The following NRAP variants were observed in gnomAD, a reference collection of about 807,000 sequenced individuals.
The protein encoded by NRAP is nebulin-related-anchoring protein.
A neutral mutation model predicts 225.9 loss-of-function variants in NRAP; 189 were observed. The ratio of observed to expected loss-of-function variants is 0.84; its 90% confidence interval spans 0.74 to 0.94. The LOEUF (loss-of-function observed/expected upper bound fraction) is 0.94, where lower values mean the gene tolerates loss of function less well. NRAP is among the 40% of genes least tolerant of loss of function. The pLI, the probability that NRAP is intolerant of heterozygous loss-of-function variation, is 0.00. For missense variants in NRAP, 2,176 were observed against 2,168.7 expected (o/e 1.00, Z -0.07); for synonymous variants, 769 against 790.7 (o/e 0.97, Z 0.46).
intron 4 of NRAP, among the ~76,000 whole-genome samples, chr10:113,657,145 A>G (rs2134196733): frequency 6.6e-6 from 1 of 152,258 alleles, no homozygotes; most frequent in South Asian, 2.1e-4. Flanking sequence ...CAGGCAGAAA[A>G]TGATGTAGAT....
intron 9 of NRAP, among the ~76,000 whole-genome samples, chr10:113,649,676 T>A (rs1203527999): frequency 1.3e-5 from 2 of 152,240 alleles, no homozygotes; most frequent in Non-Finnish European, 2.9e-5. Context: ...TTTTTCAAGA[T>A]GCATTTTGAT....
rs373144093 is a variant in NRAP at position 113,620,718 on chromosome 10, G to C, written c.2770-10C>G. ...CTGCCCTGTATTGGTTCTGACAAAG[G>C]AGAAAGAAAAAAAAAAAAAGCAGGC... On this transcript the variant is annotated splice_polypyrimidine_tract_variant and intron_variant, in intron 24 of 41. Transcript: ENST00000359988. The C allele has an allele frequency of 6.4e-6, 10 of 1,555,272 alleles. No homozygotes were observed. The highest frequency in any genetic ancestry group is 4.5e-5 in the East Asian group (2 of 44,570).
intron 19 of NRAP, among the ~76,000 whole-genome samples, 156 bp from the exon 20 acceptor site, chr10:113,629,177 A>G (rs1455976494): frequency 2.0e-5 from 3 of 152,206 alleles, no homozygotes; most frequent in Admixed American, 6.5e-5. Flanking sequence ...CTTGGGAGGT[A>G]CAGCCACCGG....
At chr10:113,651,618 T>C (rs901838350) in intron 7 of NRAP, among the ~76,000 whole-genome samples, 185 bp downstream of exon 7, 4 of 152,182 alleles carry the variant, frequency 2.6e-5, no homozygotes, top group Non-Finnish European at 5.9e-5. Context: ...TGTATTAGTC[T>C]GCTGAGGATA....
chr10:113,663,985 C>G lies in NRAP; in HGVS notation c.-103G>C. 1 of 832,252 alleles carries G rather than the reference C, an allele frequency of 1.2e-6. No individual in the cohort carries two copies. Among genetic ancestry groups the G allele is most frequent in the East Asian group, 2.5e-5 (1 of 39,286 alleles). 51.6% of individuals were successfully genotyped at this position (832,252 alleles called of 1,614,324 possible). ...TTCAAAATCCGACGACCATAAAATT[C>G]CTGTGGGCACCTCGATCTTTCAGAA... On this transcript the variant is annotated 5_prime_UTR_variant, in exon 1 of 42. Transcript: ENST00000359988.
intron 9 of NRAP, among the ~76,000 whole-genome samples, chr10:113,649,451 TA>T (rs1307796262): frequency 6.6e-6 from 1 of 152,252 alleles, no homozygotes; most frequent in African/African-American, 2.4e-5. Context: ...AACACCTGGC[TA>T]GTACCAGAAA....
chr10:113,607,020 T>G (rs1016854275), intron 32 of NRAP, among the ~76,000 whole-genome samples: 9 of 151,896 alleles, frequency 5.9e-5, no homozygotes, highest in African/African-American at 2.2e-4. Context: ...CTGACCAAGA[T>G]GGAGAAACCC....
In NRAP at chr10:113,640,107, C is replaced by T. The variant is rs1849111226; in HGVS notation, c.1428+120G>A. On this transcript the variant is annotated intron_variant, in intron 14 of 41. Coordinates refer to ENST00000359988, the MANE Select transcript of NRAP (RefSeq NM_198060.4). ...AGAAAAGGATTTCCCTTTCCTCAAT[C>T]CCTTCAACCTCTTATGAACTGTTGT... 5.2e-6 allele frequency: 3 copies of T among 582,332 alleles called. No homozygotes were observed. The Admixed American group carries it at 9.1e-5, about 18-fold the overall frequency. 36.1% of individuals were successfully genotyped at this position (582,332 alleles called of 1,614,324 possible).
intron 29 of NRAP, among the ~76,000 whole-genome samples, chr10:113,613,952 T>G (rs1177365739): frequency 2.6e-5 from 4 of 151,980 alleles, no homozygotes; most frequent in African/African-American, 9.7e-5. Context: ...TGGTGAAAAT[T>G]ATAGAATGCC....
intron 29 of NRAP, among the ~76,000 whole-genome samples, chr10:113,613,422 C>G (rs1261217174): frequency 6.6e-6 from 1 of 152,116 alleles, no homozygotes; most frequent in African/African-American, 2.4e-5. Context: ...TTCTACTTCC[C>G]TATGAGAAAA....
chr10:113,617,611 G>A, intron 25 of NRAP, 58 bp from the exon 26 acceptor site: 3 of 1,000,358 alleles, frequency 3.0e-6, no homozygotes, highest in South Asian at 1.3e-5. Context: ...CATGCCATTT[G>A]AAAGAGAAAA....
intron 14 of NRAP, among the ~76,000 whole-genome samples, chr10:113,638,981 C>T (rs1849037928): frequency 6.6e-6 from 1 of 151,510 alleles, no homozygotes; most frequent in African/African-American, 2.4e-5. Flanking sequence ...ACATCTTGCA[C>T]TCTTTGTGCT....
At chr10:113,631,396 G>A (rs930463935) in intron 18 of NRAP, 113 bp downstream of exon 18, 18 of 641,340 alleles carry the variant, frequency 2.8e-5, no homozygotes, top group Non-Finnish European at 5.0e-5. Flanking sequence ...AAAGAAAGGA[G>A]TTGCAGGTAG....
chr10:113,595,138 A>T (rs1047697933), intron 38 of NRAP, among the ~76,000 whole-genome samples: 2 of 152,234 alleles, frequency 1.3e-5, no homozygotes, highest in Admixed American at 6.5e-5. Flanking sequence ...TGGAGGCCAC[A>T]GTCCCATGCA....
chr10:113,634,300 T>A, intron 14 of NRAP, 90 bp from the exon 15 acceptor site: 1 of 877,698 alleles, frequency 1.1e-6, no homozygotes, highest in Admixed American at 1.8e-5. Context: ...AAGTGGCAAT[T>A]CTCAAATGGC....
At chr10:113,619,671 G>C (rs1847879125) in intron 25 of NRAP, among the ~76,000 whole-genome samples, 1 of 151,234 alleles carries the variant, frequency 6.6e-6, no homozygotes, top group East Asian at 1.9e-4. Flanking sequence ...ACAACCTGTG[G>C]GACTATGGCC....
At chr10:113,646,886 G>T in intron 10 of NRAP, 37 bp downstream of exon 10, 1 of 1,364,994 alleles carries the variant, frequency 7.3e-7, no homozygotes, top group Non-Finnish European at 1.1e-6. Context: ...TCACTTCTCT[G>T]CCTCTGGCTC....
chr10:113,605,852 G>T lies in NRAP; in HGVS notation c.3825C>A (p.Ser1275=), dbSNP rs1321602550. 6.2e-7 allele frequency: 1 copy of T among 1,613,638 alleles called. No homozygotes were observed. Among genetic ancestry groups the T allele is most frequent in the Non-Finnish European group, 8.5e-7 (1 of 1,179,728 alleles). Reference sequence around the variant, plus strand: ...AGCCTTGAGCACGAAGATTACGCCAGGACTCTTTGTATCTTGCCTAAAGTG... The same window carrying T: ...AGCCTTGAGCACGAAGATTACGCCATGACTCTTTGTATCTTGCCTAAAGTG... ...ANLSDARYKE[S]WRNLRAQGYK... is the part of the protein sequence containing the mutation. Residue 1275 remains serine, a synonymous_variant, in exon 34 of 42, where the codon TCC becomes TCA. Transcript: ENST00000359988.
intron 13 of NRAP, 100 bp from the exon 14 acceptor site, chr10:113,640,431 C>T (rs749400251): frequency 6.5e-5 from 41 of 626,472 alleles, no homozygotes; most frequent in Admixed American, 5.4e-4. Flanking sequence ...TACCCAGAAA[C>T]GAATTCAGTT....
Sources: allele counts gnomAD v4.1 joint callset (sites outside exome capture counted in the v4.1 genomes callset), GRCh38; gene constraint gnomAD v4.1.1; transcripts MANE v1.5; gene names NCBI Gene and HGNC (gene_info 2026-07-23, HGNC 2026-07-21).